The following FEZ1 variants were observed in gnomAD, a reference collection of about 807,000 sequenced individuals.
FEZ1 encodes fasciculation and elongation protein zeta 1.
In FEZ1, 20 loss-of-function variants were observed where a neutral mutation model predicts 49.3. The observed-to-expected ratio is 0.41, with a 90% CI of 0.29 to 0.59. The LOEUF (loss-of-function observed/expected upper bound fraction) is 0.59. FEZ1 is among the 20% of genes least tolerant of loss of function. The probability of loss-of-function intolerance (pLI) is 0.36; values close to 1 mark genes in which losing one functional copy is unlikely to be tolerated. For missense variants in FEZ1, 413 were observed against 476.0 expected (o/e 0.87, Z 1.23); for synonymous variants, 170 against 180.9 (o/e 0.94, Z 0.48).
In FEZ1 at chr11:125,445,336, G is replaced by A. The variant is rs1321377630; in HGVS notation, c.*759C>T. ...CTTCCCGCAGGCCCTGAGCCTCCAG[G>A]TCCCCGTGGACAGCCTGGGGAGGGT... On this transcript the variant is annotated 3_prime_UTR_variant, in exon 10 of 10. Transcript: ENST00000278919. This position sits in a 1 kb window ranked among gnomAD's most constrained non-coding sequence, Gnocchi z 4.4. 6.6e-6 allele frequency among the ~76,000 whole-genome samples: 1 copy of A among 152,184 alleles called. No individual in the cohort carries two copies. The highest frequency in any genetic ancestry group is 2.4e-5 in the African/African-American group (1 of 41,452).
At chr11:125,479,910 G>A (rs956684507) in intron 3 of FEZ1, among the ~76,000 whole-genome samples, 1 of 152,096 alleles carries the variant, frequency 6.6e-6, no homozygotes, top group African/African-American at 2.4e-5. Context: ...AGATAGGAGG[G>A]GCAATTTGGA....
intron 4 of FEZ1, among the ~76,000 whole-genome samples, chr11:125,462,134 T>A (rs947065743): frequency 6.6e-6 from 1 of 152,234 alleles, no homozygotes; most frequent in Admixed American, 6.5e-5. Flanking sequence ...ATCACAGATA[T>A]GAAAAAGCAC....
At position 125,454,125 on chromosome 11, in the gene FEZ1, C is replaced by T. The variant is rs747543414; in HGVS notation, c.1020+5G>A. The T allele has an allele frequency of 2.1e-5, 34 of 1,609,804 alleles. No homozygotes were observed. The highest frequency in any genetic ancestry group is 1.3e-4 in the East Asian group (6 of 44,822). ...GAGAGCTTGGAGCAGGGAGACTACG[C>T]GTACCTGTTTGTCAGTTCCTGAGGA... On this transcript the variant is annotated splice_donor_5th_base_variant and intron_variant, in intron 7 of 9. Transcript: ENST00000278919.
chr11:125,489,671 T>C lies in FEZ1; in HGVS notation c.107A>G (p.His36Arg). Reference sequence around the variant, plus strand: ...GGAGAGGGAGGGGTCCTCGAGATGGTGGGGAGATGAACCATAGAAACACTG... The same window carrying C: ...GGAGAGGGAGGGGTCCTCGAGATGGCGGGGAGATGAACCATAGAAACACTG... ...KPQCFYGSSP[H>R]HLEDPSLSEL... The change falls in exon 2 of 10, where the codon CAC (histidine) becomes CGC (arginine). Residue 36 changes from histidine to arginine, a missense_variant. His to Arg is a conservative substitution (Grantham distance 29). Coordinates refer to ENST00000278919, the MANE Select transcript of FEZ1 (RefSeq NM_005103.5). The surrounding 1 kb of genome is among the most constrained non-coding windows in gnomAD (Gnocchi z 4.2). 6.2e-7 allele frequency: 1 copy of C among 1,614,046 alleles called. No homozygotes were observed. Among genetic ancestry groups the C allele is most frequent in the South Asian group, 1.1e-5 (1 of 91,064 alleles).
chr11:125,484,634 C>T (rs968536342), intron 2 of FEZ1, among the ~76,000 whole-genome samples: 8 of 148,436 alleles, frequency 5.4e-5, no homozygotes, highest in African/African-American at 2.0e-4. Context: ...CGCCATTGCA[C>T]TCCATCCTGG....
At chr11:125,468,672 G>A (rs1957155801) in intron 3 of FEZ1, among the ~76,000 whole-genome samples, 1 of 152,164 alleles carries the variant, frequency 6.6e-6, no homozygotes, top group Admixed American at 6.5e-5. Context: ...GCAACAGCAA[G>A]AGAAATGCCA....
intron 2 of FEZ1, among the ~76,000 whole-genome samples, chr11:125,482,823 G>C (rs1228297580): frequency 6.6e-6 from 1 of 151,560 alleles, no homozygotes; most frequent in Non-Finnish European, 1.5e-5. Flanking sequence ...AATTAACCAG[G>C]CATGGTAGCA....
intron 1 of FEZ1, among the ~76,000 whole-genome samples, chr11:125,490,714 A>ATTT (rs1565305795): frequency 2.0e-5 from 3 of 151,880 alleles, no homozygotes; most frequent in African/African-American, 7.3e-5. Flanking sequence ...TTTTTTTAAA[A>ATTT]AAACTAATAA....
rs1956887369 is a variant in FEZ1, at chr11:125,445,081, C to T, written c.*1014G>A. Among the ~76,000 whole-genome samples the T allele has an allele frequency of 6.6e-6, 1 of 152,180 alleles. No individual in the cohort carries two copies. Among genetic ancestry groups the T allele is most frequent in the South Asian group, 2.1e-4 (1 of 4,832 alleles). ...GCCAGCATCCGGGATACGAGGAGAC[C>T]TTCGCCTGCTGGTTGGTCAAGGCTG... On this transcript the variant is annotated 3_prime_UTR_variant, in exon 10 of 10. Transcript: ENST00000278919. This position sits in a 1 kb window ranked among gnomAD's most constrained non-coding sequence, Gnocchi z 4.4.
At chr11:125,481,298 C>T (rs1379928722) in intron 3 of FEZ1, among the ~76,000 whole-genome samples, 1 of 152,074 alleles carries the variant, frequency 6.6e-6, no homozygotes, top group Non-Finnish European at 1.5e-5. Flanking sequence ...CAAGCATGCG[C>T]CACCATGCCT....
At chr11:125,457,426 AAAAATATAT>A (rs1188991800) in intron 5 of FEZ1, among the ~76,000 whole-genome samples, 8 of 37,426 alleles carry the variant, frequency 2.1e-4, no homozygotes, top group Admixed American at 4.1e-4. Context: ...AAAAAAAAAA[AAAAATATAT>A]ATATATATAT....
chr11:125,465,367 A>T (rs1957118075), intron 3 of FEZ1, among the ~76,000 whole-genome samples: 1 of 152,028 alleles, frequency 6.6e-6, no homozygotes, highest in Non-Finnish European at 1.5e-5. Context: ...CTCCTTGGGG[A>T]GTTCCAGGAA....
At chr11:125,457,418 AAAAAAAAAAAAATAT>A (rs1483081418) in intron 5 of FEZ1, among the ~76,000 whole-genome samples, 1 of 53,880 alleles carries the variant, frequency 1.9e-5, no homozygotes, top group African/African-American at 7.1e-5. Flanking sequence ...AAAAAAAAAA[AAAAAAAAAAAAATAT>A]ATATATATAT....
intron 9 of FEZ1, among the ~76,000 whole-genome samples, chr11:125,446,811 G>T (rs1956903428): frequency 6.6e-6 from 1 of 151,962 alleles, no homozygotes; most frequent in South Asian, 2.1e-4. Context: ...CTGAGTAGTT[G>T]GGACTACAGG....
At chr11:125,446,502 C>T (rs757231679) in intron 9 of FEZ1, among the ~76,000 whole-genome samples, 5 of 152,168 alleles carry the variant, frequency 3.3e-5, no homozygotes, top group Non-Finnish European at 5.9e-5. Context: ...CTCAGTGGCT[C>T]GTGAGGGGTA....
rs1209316498 is a variant in FEZ1, at chr11:125,495,313, G to C, written c.-46+808C>G. 1 of 461,198 alleles carries C rather than the reference G, an allele frequency of 2.2e-6. No homozygotes were observed. The highest frequency in any genetic ancestry group is 2.4e-5 in the Admixed American group (1 of 41,918). 28.6% of individuals were successfully genotyped at this position (461,198 alleles called of 1,614,324 possible). A position where few individuals can be genotyped will look rare whatever the true frequency, so the allele number is the denominator to read the frequency against. On this transcript the variant is annotated intron_variant, in intron 1 of 9. Transcript: ENST00000278919. This position sits in a 1 kb window ranked among gnomAD's most constrained non-coding sequence, Gnocchi z 4.2. Reference sequence around the variant, plus strand: ...GCCAAACAAGCCCGGACACGGGAGAGGGATGAGAGTCGGGGATGCCTAGCG... The same window carrying C: ...GCCAAACAAGCCCGGACACGGGAGACGGATGAGAGTCGGGGATGCCTAGCG...
chr11:125,456,544 T>C (rs1177115438), intron 5 of FEZ1, among the ~76,000 whole-genome samples: 1 of 152,158 alleles, frequency 6.6e-6, no homozygotes, highest in Non-Finnish European at 1.5e-5. Context: ...GATCAAGATA[T>C]AGCATACGGC....
rs905237125 is a variant in FEZ1 at position 125,467,795 on chromosome 11, G to A, written c.412-4225C>T. Among the ~76,000 whole-genome samples the A allele has an allele frequency of 4.6e-4, 70 of 152,156 alleles. 1 individual carries two copies. The highest frequency in any genetic ancestry group is 1.6e-3 in the African/African-American group (66 of 41,434). On this transcript the variant is annotated intron_variant, in intron 3 of 9. Coordinates refer to ENST00000278919, the MANE Select transcript of FEZ1 (RefSeq NM_005103.5). ...GTGGAGGCTGTAGTGAGCCATGACTGTTGCCACTGTACTCTAGCCTGGGTG... is the reference window on the plus strand; with the variant it reads ...GTGGAGGCTGTAGTGAGCCATGACTATTGCCACTGTACTCTAGCCTGGGTG...
Position 125,460,639 on chromosome 11 carries a change from G to T in FEZ1, c.526C>A (p.Gln176Lys). ...TCTTCCTCAGGGTCTGGGGAGTTCT[G>T]CATCATTTCCTCAATCTCCTCAATT... ...QVIEEIEEMM[Q>K]NSPDPEEEEE... is the part of the protein sequence containing the mutation. Residue 176 changes from glutamine to lysine, a missense_variant, in exon 5 of 10, where the codon CAG (glutamine) becomes AAG (lysine). Physicochemically the swap from Gln to Lys is moderately conservative, Grantham distance 53 (BLOSUM62 1). Transcript: ENST00000278919. 1 of 1,613,952 alleles carries T rather than the reference G, an allele frequency of 6.2e-7. No individual in the cohort carries two copies. The highest frequency in any genetic ancestry group is 8.5e-7 in the Non-Finnish European group (1 of 1,179,970).
Sources: gnomAD v4.1 joint callset for allele counts (sites outside exome capture counted in the v4.1 genomes callset) on GRCh38, gnomAD v4.1.1 for gene constraint, Gnocchi (gnomAD v3.1) non-coding constraint, MANE v1.5 for transcripts, NCBI Gene and HGNC (gene_info 2026-07-23, HGNC 2026-07-21) for gene names.